Variants in AK6 observed in about 807,000 individuals in gnomAD.
AK6 encodes the protein adenylate kinase isoenzyme 6.
A neutral mutation model predicts 23.7 loss-of-function variants in AK6; 24 were observed. That is an observed-to-expected ratio of 1.01 (90% CI 0.73 to 1.43). The LOEUF (loss-of-function observed/expected upper bound fraction) is 1.43, where lower values mean the gene tolerates loss of function less well. AK6 is among the 40% of genes most tolerant of loss of function. The pLI is 0.00. For synonymous variants in AK6, 73 were observed against 69.8 expected, an observed-to-expected ratio of 1.05 and a Z score of -0.23; for missense variants, 191 against 199.1, an observed-to-expected ratio of 0.96 and a Z score of 0.24.
At chr5:69,359,443 C>A (rs1762170620) in intron 2 of AK6, among the ~76,000 whole-genome samples, 1 of 152,016 alleles carries the variant, frequency 6.6e-6, no homozygotes, top group Admixed American at 6.6e-5. Flanking sequence ...TGGGGTTTCA[C>A]CATGTTGGCC....
Position 69,351,138 on chromosome 5 carries a change from G to C in AK6, c.*923C>G, listed in dbSNP as rs990882458. 6.6e-6 allele frequency: 1 copy of C among 152,208 alleles called. No homozygotes were observed. Among genetic ancestry groups the C allele is most frequent in the African/African-American group, 2.4e-5 (1 of 41,444 alleles). 9.4% of individuals were successfully genotyped at this position (152,208 alleles called of 1,614,324 possible). On this transcript the variant is annotated 3_prime_UTR_variant, in exon 5 of 5. Transcript: ENST00000380822. ...CTTTATCATCACTGCTTCCTCCACA[G>C]TGGTGACAGTTACATAACCTTGTTA...
chr5:69,356,931 AAAG>A (rs900805815), intron 2 of AK6, among the ~76,000 whole-genome samples: 3 of 152,194 alleles, frequency 2.0e-5, no homozygotes, highest in African/African-American at 7.2e-5. Context: ...CTGGTTTTCA[AAAG>A]AAGTATTCTT....
chr5:69,365,474 T>C (rs956883861), intron 2 of AK6: 1 of 1,614,148 alleles, frequency 6.2e-7, no homozygotes, highest in Non-Finnish European at 8.5e-7. Flanking sequence ...AAAAATCTCT[T>C]GGGGGAGGAG....
At chr5:69,366,461 A>T in intron 2 of AK6, 42 bp downstream of exon 2, 2 of 1,350,658 alleles carry the variant, frequency 1.5e-6, no homozygotes, top group Non-Finnish European at 1.0e-6. Flanking sequence ...ACCAGACCTT[A>T]AAAAAAAAAC....
At chr5:69,358,508 ACT>A (rs1353476677) in intron 2 of AK6, among the ~76,000 whole-genome samples, 1 of 128,942 alleles carries the variant, frequency 7.8e-6, no homozygotes, top group African/African-American at 3.0e-5. Flanking sequence ...ACAGAGCAAG[ACT>A]CTGTCTCAAA....
intron 2 of AK6, among the ~76,000 whole-genome samples, chr5:69,362,652 G>A (rs181793254): frequency 1.2e-4 from 19 of 152,086 alleles, no homozygotes; most frequent in African/African-American, 4.3e-4. Flanking sequence ...GGAGGTTGAA[G>A]CAGGAGATCA....
chr5:69,353,901 C>T (rs1000028016), intron 4 of AK6, among the ~76,000 whole-genome samples: 1 of 151,708 alleles, frequency 6.6e-6, no homozygotes, highest in Non-Finnish European at 1.5e-5. Flanking sequence ...TCCAAAGTAG[C>T]TGGGACCACA....
At chr5:69,367,084 T>C (rs1561222121) in intron 1 of AK6, among the ~76,000 whole-genome samples, 1 of 151,918 alleles carries the variant, frequency 6.6e-6, no homozygotes, top group Non-Finnish European at 1.5e-5. Context: ...TGTACTACGA[T>C]CTAATAAAAA....
At chr5:69,365,649 T>A (rs964222493) in intron 2 of AK6, 1 of 1,613,704 alleles carries the variant, frequency 6.2e-7, no homozygotes, top group African/African-American at 1.3e-5. Context: ...TGGCTCATAT[T>A]CTGTAATCCC....
At chr5:69,367,121 A>C (rs756871914) in intron 1 of AK6, among the ~76,000 whole-genome samples, 1 of 152,146 alleles carries the variant, frequency 6.6e-6, no homozygotes, top group Non-Finnish European at 1.5e-5. Context: ...GAATGTCAGA[A>C]TATTACCCAG....
intron 4 of AK6, 145 bp from the exon 5 acceptor site, chr5:69,352,398 C>T (rs1761969757): frequency 1.7e-6 from 1 of 583,524 alleles, no homozygotes; most frequent in Non-Finnish European, 3.0e-6. Context: ...TGACTGGTAC[C>T]TGTTTATATG....
At chr5:69,368,457 C>G (rs1399155020) in intron 1 of AK6, among the ~76,000 whole-genome samples, 1 of 152,142 alleles carries the variant, frequency 6.6e-6, no homozygotes, top group Non-Finnish European at 1.5e-5. Flanking sequence ...ATAAAATGTT[C>G]ACTTTAAAGT....
Position 69,352,273 on chromosome 5 carries a change from A to C in AK6, c.327-20T>G. On this transcript the variant is annotated intron_variant, in intron 4 of 4. Transcript: ENST00000380822. ...TAACCCCTAGAAGGCAGGGAGGTTA[A>C]GCAAACAAGAAGCAAAATAAATGGC... The C allele has an allele frequency of 1.9e-6, 3 of 1,586,464 alleles. No homozygotes were observed. The highest frequency in any genetic ancestry group is 2.6e-6 in the Non-Finnish European group (3 of 1,164,870).
chr5:69,369,094 A>T (rs1762692712), intron 1 of AK6: 1 of 364,556 alleles, frequency 2.7e-6, no homozygotes, highest in African/African-American at 2.2e-5. Flanking sequence ...ATATGGCCTT[A>T]CGTTATTTCG....
chr5:69,367,923 GGGA>G (rs1762545559), intron 1 of AK6: 1 of 152,206 alleles, frequency 6.6e-6, no homozygotes, highest in African/African-American at 2.4e-5. Flanking sequence ...CCAGCAATTT[GGGA>G]GGAGAAGGCG....
At position 69,356,487 on chromosome 5, in the gene AK6, A is replaced by G. The variant is rs1057354396; in HGVS notation, c.122-534T>C. 6.3e-5 allele frequency among the ~76,000 whole-genome samples: 9 copies of G among 141,796 alleles called. No homozygotes were observed. The South Asian group carries it at 6.7e-4, about 11-fold the overall frequency. The allele number at this position is 141,796 out of a possible 152,430, so 93.0% of individuals were successfully genotyped here. On this transcript the variant is annotated intron_variant, in intron 2 of 4. Transcript: ENST00000380822. ...ATATGTTGAGAACCTGTTTCTACAG[A>G]AAAAAAAAAAAAAATTAGGCAGGCA... is the stretch of plus-strand genomic sequence containing the variant.
chr5:69,354,034 T>C (rs962812098), intron 4 of AK6, among the ~76,000 whole-genome samples: 5 of 152,132 alleles, frequency 3.3e-5, no homozygotes, highest in Admixed American at 6.6e-5. Context: ...GCCTCCCAAA[T>C]TGCTGGGATT....
chr5:69,355,960 G>A lies in AK6; in HGVS notation c.122-7C>T. ...TAGCCATCATACAATTGCTCTAAAA[G>A]AGATTTAGAATTGCTTGTTGAAATA... On this transcript the variant is annotated splice_region_variant and splice_polypyrimidine_tract_variant and intron_variant, in intron 2 of 4. Coordinates refer to ENST00000380822, the MANE Select transcript of AK6 (RefSeq NM_016283.5). 6.3e-7 allele frequency: 1 copy of A among 1,593,836 alleles called. No homozygotes were observed. Among genetic ancestry groups the A allele is most frequent in the South Asian group, 1.2e-5 (1 of 86,564 alleles).
At chr5:69,352,346 A>G in intron 4 of AK6, 93 bp from the exon 5 acceptor site, 1 of 970,862 alleles carries the variant, frequency 1.0e-6, no homozygotes, top group Non-Finnish European at 1.5e-6. Flanking sequence ...ACTTTTCAAT[A>G]CGTGAAAAAT....
Sources: allele counts gnomAD v4.1 joint callset (sites outside exome capture counted in the v4.1 genomes callset), GRCh38; gene constraint gnomAD v4.1.1; transcripts MANE v1.5; gene names NCBI Gene and HGNC (gene_info 2026-07-23, HGNC 2026-07-21).